CUBN: variants seen among roughly 807,000 people sequenced by gnomAD.
CUBN encodes the protein cubilin, also known as 460 kDa receptor.
A neutral mutation model predicts 405.3 loss-of-function variants in CUBN; 282 were observed. The ratio of observed to expected loss-of-function variants is 0.70; its 90% CI spans 0.63 to 0.77. The LOEUF is 0.77. Among genes scored for constraint, CUBN ranks in the 30% least tolerant of loss-of-function variants. The probability of loss-of-function intolerance (pLI) is 0.00; values close to 1 mark genes in which losing one functional copy is unlikely to be tolerated. For missense variants in CUBN, 4,514 were observed against 4,475.2 expected (o/e 1.01, Z -0.25); for synonymous variants, 1,684 against 1,617.0 (o/e 1.04, Z -0.99).
At position 16,920,134 on chromosome 10, in the gene CUBN, C is replaced by G. The variant is rs761858666; in HGVS notation, c.6650G>C (p.Cys2217Ser). 2 of 1,613,918 alleles carry G rather than the reference C, an allele frequency of 1.2e-6. No individual in the cohort carries two copies. Residue 2217 changes from cysteine to serine, a missense_variant, in exon 44 of 67, where the codon TGT becomes TCT. Around this residue, in one of 5 missense-constraint regions of CUBN, gnomAD observed 1,613 missense variants for 1,542.8 expected, o/e 1.05. Transcript: ENST00000377833. ...KIKYEAKSLA[C>S]GGNVYIHDAD... ...ATCATGGATGTAGACGTTGCCCCCA[C>G]AGGCTGTGAGCAAACACACTTAAAT...
At position 17,014,018 on chromosome 10, in the gene CUBN, C is replaced by T. The variant is rs1050671203; in HGVS notation, c.4168+5815G>A. Among the ~76,000 whole-genome samples the T allele has an allele frequency of 8.5e-5, 13 of 152,278 alleles. No homozygotes were observed. The East Asian group carries it at 1.4e-3, about 16-fold the overall frequency. ...GGCAGGGTTGAGGGCCGTGCATGTA[C>T]GTATCTGAAGCACTGGTCCCTCAAG... On this transcript the variant is annotated intron_variant, in intron 28 of 66. Transcript: ENST00000377833.
intron 40 of CUBN, among the ~76,000 whole-genome samples, chr10:16,930,593 C>T (rs903876781): frequency 6.6e-6 from 1 of 152,094 alleles, no homozygotes; most frequent in Non-Finnish European, 1.5e-5. Context: ...TTGCTAGGAC[C>T]AATGTAGTTT....
intron 63 of CUBN, among the ~76,000 whole-genome samples, chr10:16,835,416 C>T (rs753236784): frequency 7.2e-5 from 11 of 152,170 alleles, no homozygotes; most frequent in African/African-American, 2.4e-4. Flanking sequence ...CACACAAACA[C>T]GCCTACAGGA....
At chr10:17,026,565 T>C in intron 27 of CUBN, among the ~76,000 whole-genome samples, 2 of 150,214 alleles carry the variant, frequency 1.3e-5, no homozygotes, top group South Asian at 4.2e-4. Context: ...CCCCAGGAGG[T>C]GGAGCTTGCA....
In CUBN at chr10:16,851,317, T is replaced by C. The variant is rs140316361; in HGVS notation, c.9581A>G (p.Asn3194Ser). Residue 3194 changes from asparagine to serine, a missense_variant, in exon 60 of 67, where the codon AAC becomes AGC. Transcript: ENST00000377833. ...ATTGAAGGTGAGGTGAATTACTTTG[T>C]TTACAGGTGCAATTATGATCCATAC... ...NCVWIIIAPV[N>S]KVIHLTFNTF... 6.2e-7 allele frequency: 1 copy of C among 1,614,016 alleles called. No homozygotes were observed. The highest frequency in any genetic ancestry group is 1.3e-5 in the African/African-American group (1 of 74,932).
At position 16,853,059 on chromosome 10, in the gene CUBN, A is replaced by T. The variant is rs541508908; in HGVS notation, c.9455-1616T>A. ...AGGAGAGATAAAGAATAATCTCAAG[A>T]TGATTAAACGGTCTACCATAAAAGA... On this transcript the variant is annotated intron_variant, in intron 59 of 66. Coordinates refer to ENST00000377833, the MANE Select transcript of CUBN (RefSeq NM_001081.4). 4.1e-4 allele frequency among the ~76,000 whole-genome samples: 62 copies of T among 152,346 alleles called. No homozygotes were observed. The South Asian group carries it at 7.5e-3, about 18-fold the overall frequency.
At chr10:17,085,472 A>T in intron 16 of CUBN, 125 bp downstream of exon 16, 1 of 993,988 alleles carries the variant, frequency 1.0e-6, no homozygotes, top group Admixed American at 1.9e-5. Context: ...AGAAATATTT[A>T]TAAAGAAATG....
rs188017963 is a variant in CUBN at position 17,109,794 on chromosome 10, C to G, written c.1016-59G>C. ...ATGTCAAGAAGATGGGAGGACAAAG[C>G]CTGTCTAGGATTCAAATATCATGAA... On this transcript the variant is annotated intron_variant, in intron 9 of 66. Transcript: ENST00000377833. The G allele has an allele frequency of 3.3e-4, 437 of 1,340,190 alleles. 1 individual carries two copies. The highest frequency in any genetic ancestry group is 2.8e-4 in the Non-Finnish European group (263 of 932,304). The allele number at this position is 1,340,190 out of a possible 1,614,324, so 83.0% of individuals were successfully genotyped here.
chr10:16,954,883 T>C (rs369835228), intron 31 of CUBN, among the ~76,000 whole-genome samples: 7 of 152,280 alleles, frequency 4.6e-5, no homozygotes, highest in African/African-American at 1.4e-4. Flanking sequence ...AAATGTGTAA[T>C]GCAAGAATAG....
At chr10:16,934,219 A>C (rs1490257380) in intron 39 of CUBN, among the ~76,000 whole-genome samples, 1 of 152,200 alleles carries the variant, frequency 6.6e-6, no homozygotes, top group African/African-American at 2.4e-5. Flanking sequence ...TTCTTGAATA[A>C]ATATGCCGCA....
rs1253237201 is a variant in CUBN at position 17,069,202 on chromosome 10, G to A, written c.2626-432C>T. Among the ~76,000 whole-genome samples the A allele has an allele frequency of 2.0e-5, 3 of 152,074 alleles. No individual in the cohort carries two copies. The South Asian group carries it at 6.2e-4, about 32-fold the overall frequency. ...TTATTTATCCGTTTACCAGTTGATG[G>A]ACACTTAAGTTGTTTCTACTTTTAA... On this transcript the variant is annotated intron_variant, in intron 19 of 66. Transcript: ENST00000377833.
intron 61 of CUBN, 41 bp downstream of exon 61, chr10:16,840,844 T>C (rs562632174): frequency 5.3e-6 from 8 of 1,510,210 alleles, no homozygotes; most frequent in South Asian, 2.3e-5. Flanking sequence ...CATAAATACA[T>C]GTGTATTTCA....
chr10:16,901,814 T>C (rs113958856), intron 51 of CUBN, among the ~76,000 whole-genome samples: 101 of 148,362 alleles, frequency 6.8e-4, no homozygotes, highest in African/African-American at 2.4e-3. Flanking sequence ...GGTCATGCCA[T>C]TGCACTCCAG....
At position 17,085,742 on chromosome 10, in the gene CUBN, C is replaced by T. The variant is rs747040209; in HGVS notation, c.1965G>A (p.Leu655=). Reference sequence around the variant, plus strand: ...ACTTCCCAAGAAGGGGGTCCTGATACAAAGGACCATCTCGAATCTAAAACA... The same window carrying T: ...ACTTCCCAAGAAGGGGGTCCTGATATAAAGGACCATCTCGAATCTAAAACA... ...KDYLEIRDGP[L]YQDPLLGKFC... Residue 655 remains leucine (L), a synonymous_variant, in exon 16 of 67, where the codon TTG becomes TTA. Transcript: ENST00000377833. The T allele has an allele frequency of 9.9e-6, 16 of 1,613,728 alleles. No individual in the cohort carries two copies. Among genetic ancestry groups the T allele is most frequent in the South Asian group, 9.9e-5 (9 of 91,070 alleles).
intron 14 of CUBN, among the ~76,000 whole-genome samples, chr10:17,092,555 C>G (rs1335275650): frequency 6.6e-6 from 1 of 152,130 alleles, no homozygotes; most frequent in African/African-American, 2.4e-5. Flanking sequence ...TCAAACACCA[C>G]CAAAACCAAG....
chr10:17,075,274 G>T (rs1346994279), intron 17 of CUBN, among the ~76,000 whole-genome samples: 2 of 151,648 alleles, frequency 1.3e-5, no homozygotes, highest in African/African-American at 4.8e-5. Flanking sequence ...AGTAGAGATG[G>T]GGTTTCACTA....
Position 16,952,274 on chromosome 10 carries a change from A to C in CUBN, c.4969+2T>G, listed in dbSNP as rs967367446. The C allele has an allele frequency of 6.2e-7, 1 of 1,605,850 alleles. No homozygotes were observed. The highest frequency in any genetic ancestry group is 8.5e-7 in the Non-Finnish European group (1 of 1,172,734). On this transcript the variant is annotated splice_donor_variant, in intron 33 of 66. Coordinates refer to ENST00000377833, the MANE Select transcript of CUBN (RefSeq NM_001081.4). LOFTEE classifies it high-confidence loss of function. ...CTTTTCTTTTTCATTTTTGTTACTTACATGGAGGTTGCGCTTGAATGATCC... is the reference window on the plus strand; with the variant it reads ...CTTTTCTTTTTCATTTTTGTTACTTCCATGGAGGTTGCGCTTGAATGATCC...
At chr10:16,990,915 T>G (rs1833565480) in intron 28 of CUBN, among the ~76,000 whole-genome samples, 1 of 152,218 alleles carries the variant, frequency 6.6e-6, no homozygotes, top group Non-Finnish European at 1.5e-5. Context: ...TCCCTGGGCC[T>G]TCAGTGTCCT....
At chr10:17,014,101 AC>A (rs1241423460) in intron 28 of CUBN, among the ~76,000 whole-genome samples, 2 of 152,084 alleles carry the variant, frequency 1.3e-5, no homozygotes, top group Non-Finnish European at 2.9e-5. Context: ...TTCCTTTGGC[AC>A]CTAGTATGCC....
Sources: allele counts gnomAD v4.1 joint callset (sites outside exome capture counted in the v4.1 genomes callset), GRCh38; gene constraint gnomAD v4.1.1; regional missense constraint gnomAD v4.1.1; transcripts MANE v1.5; gene names NCBI Gene and HGNC (gene_info 2026-07-23, HGNC 2026-07-21).